METTL25: variants seen among roughly 807,000 people sequenced by gnomAD.
The protein encoded by METTL25 is methyltransferase like 25, also known as probable methyltransferase-like protein 25.
In METTL25, 64 loss-of-function variants were observed where a neutral mutation model predicts 71.6. That is an observed-to-expected ratio of 0.89 (90% confidence interval 0.73 to 1.10). The LOEUF (loss-of-function observed/expected upper bound fraction) is 1.10. Ranked by LOEUF, METTL25 falls within the 50% of genes least tolerant of loss-of-function variation. The pLI is 0.00. For missense variants in METTL25, 807 were observed against 707.0 expected (o/e 1.14, Z -1.60); for synonymous variants, 287 against 250.3 (o/e 1.15, Z -1.38).
Position 82,358,724 on chromosome 12 carries a change from GC to G in METTL25, c.161del (p.Pro54HisfsTer9). On this transcript the variant is annotated frameshift_variant, in exon 1 of 12. Coordinates refer to ENST00000248306, the MANE Select transcript of METTL25 (RefSeq NM_032230.3). LOFTEE classifies it high-confidence loss of function. ...CCGTGTGGGAGGAGCTGGTCGACTT[GC>G]CACCGGAGACAGTGCTGGCTGCGCT... ...ESVWEELVDL[P>X]PETVLAALRK... 1 of 1,614,192 alleles carries G rather than the reference GC, an allele frequency of 6.2e-7. No homozygotes were observed. The highest frequency in any genetic ancestry group is 1.3e-5 in the African/African-American group (1 of 75,074).
At chr12:82,447,800 T>A (rs796104272) in intron 8 of METTL25, among the ~76,000 whole-genome samples, 2 of 152,252 alleles carry the variant, frequency 1.3e-5, no homozygotes, top group African/African-American at 4.8e-5. Flanking sequence ...TGTAAACGCT[T>A]ATTGCTTTTG....
At chr12:82,462,718 A>G (rs1432381522) in intron 9 of METTL25, among the ~76,000 whole-genome samples, 15 of 152,172 alleles carry the variant, frequency 9.9e-5, no homozygotes. Flanking sequence ...ACTGAAAAAC[A>G]CATGAATACA....
intron 5 of METTL25, among the ~76,000 whole-genome samples, chr12:82,428,519 G>A (rs1261275222): frequency 6.6e-6 from 1 of 151,812 alleles, no homozygotes; most frequent in African/African-American, 2.4e-5. Flanking sequence ...AAAAGCTTCA[G>A]TAAAACCCAA....
chr12:82,384,826 A>G (rs1884806312), intron 1 of METTL25, among the ~76,000 whole-genome samples: 1 of 152,114 alleles, frequency 6.6e-6, no homozygotes, highest in Non-Finnish European at 1.5e-5. Context: ...ACATTGTCCA[A>G]TAGCTAACTA....
At position 82,358,624 on chromosome 12, in the gene METTL25, T is replaced by C. The variant is rs199679912; in HGVS notation, c.59T>C (p.Leu20Ser). ...GACCTGCCCACGCTGCGTGCCAAGT[T>C]GCAGGGACTGCTGCAGTTCCTGAGG... ...TPDLPTLRAK[L>S]QGLLQFLRDA... The change falls in exon 1 of 12, where the codon TTG becomes TCG. Residue 20 changes from leucine (L) to serine (S), a missense_variant. Coordinates refer to ENST00000248306, the MANE Select transcript of METTL25 (RefSeq NM_032230.3). The C allele has an allele frequency of 1.4e-5, 23 of 1,613,856 alleles. No individual in the cohort carries two copies. The highest frequency in any genetic ancestry group is 1.7e-5 in the Admixed American group (1 of 60,006).
intron 3 of METTL25, among the ~76,000 whole-genome samples, chr12:82,397,471 C>A (rs1377017463): frequency 6.6e-6 from 1 of 151,768 alleles, no homozygotes. Flanking sequence ...TTTTAAAATT[C>A]TTTTGTTATT....
At chr12:82,429,795 GTTGT>G (rs958441343) in intron 5 of METTL25, among the ~76,000 whole-genome samples, 4 of 151,384 alleles carry the variant, frequency 2.6e-5, no homozygotes, top group Middle Eastern at 3.2e-3. Flanking sequence ...TTGCTGTTGA[GTTGT>G]TTATTTGTAT....
At chr12:82,446,087 A>G (rs561897749) in intron 8 of METTL25, among the ~76,000 whole-genome samples, 15 of 152,284 alleles carry the variant, frequency 9.9e-5, no homozygotes, top group African/African-American at 3.6e-4. Flanking sequence ...AAAGAAGGTC[A>G]TTATATAATG....
At chr12:82,387,039 A>G (rs1224628076) in intron 2 of METTL25, 72 bp downstream of exon 2, 2 of 1,201,286 alleles carry the variant, frequency 1.7e-6, no homozygotes, top group Non-Finnish European at 1.2e-6. Context: ...ATATATGTGT[A>G]TCTTTCCAAA....
chr12:82,475,709 A>G (rs1207921392), intron 9 of METTL25, among the ~76,000 whole-genome samples: 1 of 152,106 alleles, frequency 6.6e-6, no homozygotes, highest in Non-Finnish European at 1.5e-5. Flanking sequence ...TGCAAAAATT[A>G]TAGAATCAAT....
At chr12:82,451,255 G>A (rs1891128912) in intron 8 of METTL25, 2 of 968,326 alleles carry the variant, frequency 2.1e-6, no homozygotes, top group Non-Finnish European at 2.5e-6. Flanking sequence ...TAAGACTTAA[G>A]TGCGTATTTA....
chr12:82,367,474 A>T (rs1236537542), intron 1 of METTL25, among the ~76,000 whole-genome samples: 2 of 152,306 alleles, frequency 1.3e-5, no homozygotes, highest in East Asian at 3.9e-4. Flanking sequence ...AAATGACATT[A>T]TTATTCTTCC....
At chr12:82,387,001 T>G (rs778978491) in intron 2 of METTL25, 34 bp downstream of exon 2, 1 of 1,553,492 alleles carries the variant, frequency 6.4e-7, no homozygotes, top group Non-Finnish European at 8.8e-7. Flanking sequence ...TGTGTGCTTT[T>G]TAGGTACTTA....
rs1886775500 is a variant in METTL25 at position 82,403,039 on chromosome 12, A to G, written c.1188A>G (p.Arg396=). The change falls in exon 5 of 12, where the codon CGA becomes CGG. Residue 396 remains arginine (R), a synonymous_variant. Coordinates refer to ENST00000248306, the MANE Select transcript of METTL25 (RefSeq NM_032230.3). The stretch of plus-strand genomic sequence containing the variant: ...GTGATCTGGCTCCAAATACTTTGCG[A>G]ATATTTACCTCCAACTCTGAAATCA... The part of the protein sequence containing the change: ...TCGDLAPNTL[R]IFTSNSEIKG... 7 of 1,613,410 alleles carry G rather than the reference A, an allele frequency of 4.3e-6. No individual in the cohort carries two copies. The highest frequency in any genetic ancestry group is 5.9e-6 in the Non-Finnish European group (7 of 1,179,512).
chr12:82,452,587 C>T (rs1891223223), intron 8 of METTL25, among the ~76,000 whole-genome samples: 1 of 152,178 alleles, frequency 6.6e-6, no homozygotes, highest in African/African-American at 2.4e-5. Context: ...ATGAATACTT[C>T]CCTTTCCTTG....
At chr12:82,385,903 T>A (rs943998104) in intron 1 of METTL25, among the ~76,000 whole-genome samples, 1 of 152,172 alleles carries the variant, frequency 6.6e-6, no homozygotes, top group Non-Finnish European at 1.5e-5. Context: ...TCTGACACTC[T>A]TAAAACTTCT....
At chr12:82,443,355 C>A (rs1254923806) in intron 8 of METTL25, among the ~76,000 whole-genome samples, 1 of 150,810 alleles carries the variant, frequency 6.6e-6, no homozygotes, top group African/African-American at 2.4e-5. Context: ...CAGCTGAATT[C>A]TCAGCATAAA....
intron 5 of METTL25, among the ~76,000 whole-genome samples, chr12:82,429,315 C>A (rs557329447): frequency 6.6e-6 from 1 of 151,094 alleles, no homozygotes; most frequent in Non-Finnish European, 1.5e-5. Context: ...CCTTTTTGTG[C>A]CTGGCTTATT....
intron 5 of METTL25, among the ~76,000 whole-genome samples, chr12:82,406,015 G>A (rs576339887): frequency 3.9e-5 from 6 of 152,296 alleles, no homozygotes; most frequent in South Asian, 4.2e-4. Flanking sequence ...TCAAGGCACT[G>A]TAGTTGGTAC....
Sources: allele counts gnomAD v4.1 joint callset (sites outside exome capture counted in the v4.1 genomes callset), GRCh38; gene constraint gnomAD v4.1.1; transcripts MANE v1.5; gene names NCBI Gene and HGNC (gene_info 2026-07-23, HGNC 2026-07-21).